The following KIAA1217 variants were observed in gnomAD, a reference collection of about 807,000 sequenced individuals.
The protein encoded by KIAA1217 is sickle tail protein homolog.
KIAA1217 carries 88 observed loss-of-function variants against 163.9 expected under a neutral mutation model. The ratio of observed to expected loss-of-function variants is 0.54; its 90% CI spans 0.45 to 0.64. KIAA1217 has a LOEUF of 0.64. Among genes scored for constraint, KIAA1217 ranks in the 30% least tolerant of loss-of-function variants. The pLI is 0.00. For synonymous variants in KIAA1217, 903 were observed against 923.1 expected (o/e 0.98, Z 0.39); for missense variants, 2,372 against 2,475.0 (o/e 0.96, Z 0.88).
intron 2 of KIAA1217, among the ~76,000 whole-genome samples, chr10:24,357,396 C>T (rs749572632): frequency 1.3e-5 from 2 of 152,158 alleles, no homozygotes; most frequent in Admixed American, 6.5e-5. Context: ...CCTCTTTTCC[C>T]TATTAAAATT....
chr10:24,339,827 A>T (rs1462864335), intron 2 of KIAA1217, among the ~76,000 whole-genome samples: 1 of 152,202 alleles, frequency 6.6e-6, no homozygotes, highest in Non-Finnish European at 1.5e-5. Flanking sequence ...TTTTACAATG[A>T]AGAACTTTAG....
At chr10:23,996,295 C>T (rs182737258) in intron 1 of KIAA1217, among the ~76,000 whole-genome samples, 4 of 152,236 alleles carry the variant, frequency 2.6e-5, no homozygotes, top group South Asian at 2.1e-4. Flanking sequence ...TGTGCTTATG[C>T]GCCTTCTTGC....
chr10:23,783,101 A>G (rs1232572704), intron 1 of KIAA1217, among the ~76,000 whole-genome samples: 3 of 152,198 alleles, frequency 2.0e-5, no homozygotes, highest in East Asian at 1.9e-4. Flanking sequence ...GGGTTTTCCA[A>G]TCTTTTGGCT....
chr10:24,442,548 A>G (rs1343221485), intron 5 of KIAA1217, among the ~76,000 whole-genome samples: 1 of 152,162 alleles, frequency 6.6e-6, no homozygotes, highest in Non-Finnish European at 1.5e-5. Flanking sequence ...CGTGGTTTCC[A>G]ATGCATTCTG....
At chr10:24,491,279 T>A (rs2133671598) in intron 6 of KIAA1217, among the ~76,000 whole-genome samples, 1 of 145,690 alleles carries the variant, frequency 6.9e-6, no homozygotes, top group African/African-American at 2.6e-5. Context: ...GTTTCTTTTT[T>A]TTTTTCCTTT....
At chr10:23,884,133 T>C (rs1281982563) in intron 1 of KIAA1217, among the ~76,000 whole-genome samples, 3 of 151,930 alleles carry the variant, frequency 2.0e-5, no homozygotes, top group Non-Finnish European at 2.9e-5. Context: ...CCAAGGAATG[T>C]AATTGCTGGA....
chr10:24,407,490 G>T (rs2131258322), intron 3 of KIAA1217, among the ~76,000 whole-genome samples: 1 of 152,092 alleles, frequency 6.6e-6, no homozygotes, highest in South Asian at 2.1e-4. Flanking sequence ...ATTTTTTGTA[G>T]AGATGGGTTC....
chr10:24,402,248 T>C (rs1463625425), intron 3 of KIAA1217, among the ~76,000 whole-genome samples: 1 of 152,202 alleles, frequency 6.6e-6, no homozygotes, highest in East Asian at 1.9e-4. Flanking sequence ...GACTCACGCC[T>C]GTAATCCCAG....
chr10:24,482,290 A>T (rs543303177), intron 6 of KIAA1217: 1 of 152,230 alleles, frequency 6.6e-6, no homozygotes, highest in Non-Finnish European at 1.5e-5. Context: ...TTGAATATTC[A>T]TGAGGTGCTC....
chr10:23,882,733 T>C (rs1158638940), intron 1 of KIAA1217, among the ~76,000 whole-genome samples: 1 of 151,942 alleles, frequency 6.6e-6, no homozygotes, highest in Non-Finnish European at 1.5e-5. Flanking sequence ...TGCTAAATAT[T>C]AAGTACAGGA....
At chr10:23,852,045 T>A (rs1839368856) in intron 1 of KIAA1217, among the ~76,000 whole-genome samples, 1 of 152,218 alleles carries the variant, frequency 6.6e-6, no homozygotes, top group Non-Finnish European at 1.5e-5. Flanking sequence ...AATTTTGGCT[T>A]TTGTTACCAT....
In KIAA1217 at chr10:24,192,024, G is replaced by A. The variant is rs141688161; in HGVS notation, c.-170-27602G>A. Reference sequence around the variant, plus strand: ...CTCCCAAAGTGTTGGGATTACAGGCGTGAGCTACTGCTCCCAACCACGGAT... The same window carrying A: ...CTCCCAAAGTGTTGGGATTACAGGCATGAGCTACTGCTCCCAACCACGGAT... On this transcript the variant is annotated intron_variant, in intron 2 of 18. Transcript: ENST00000376462. Among the ~76,000 whole-genome samples, 28 of 152,302 alleles carry A rather than the reference G, an allele frequency of 1.8e-4. No individual in the cohort carries two copies. The East Asian group carries it at 3.7e-3, about 20-fold the overall frequency.
intron 2 of KIAA1217, among the ~76,000 whole-genome samples, chr10:24,077,529 C>G (rs10741038): frequency 0.64 from 97,799 of 152,050 alleles, 33,916 homozygotes; most frequent in African/African-American, 0.88. Context: ...TTTTATGGTG[C>G]CATAGTATTC....
chr10:23,832,299 G>C (rs754592158), intron 1 of KIAA1217, among the ~76,000 whole-genome samples: 1 of 152,188 alleles, frequency 6.6e-6, no homozygotes, highest in Non-Finnish European at 1.5e-5. Flanking sequence ...AGATACCTCA[G>C]ATGAAGAGGT....
chr10:23,764,221 C>T (rs1319174270), intron 1 of KIAA1217, among the ~76,000 whole-genome samples: 1 of 152,142 alleles, frequency 6.6e-6, no homozygotes, highest in Non-Finnish European at 1.5e-5. Context: ...CATCACTGCT[C>T]ACCAAAGAAA....
At chr10:24,083,574 T>C (rs1002559825) in intron 2 of KIAA1217, among the ~76,000 whole-genome samples, 1 of 152,238 alleles carries the variant, frequency 6.6e-6, no homozygotes, top group Non-Finnish European at 1.5e-5. Context: ...AATTTCCACA[T>C]TCTTATCTAG....
intron 3 of KIAA1217, among the ~76,000 whole-genome samples, chr10:24,412,200 T>A (rs2057846851): frequency 6.6e-6 from 1 of 151,696 alleles, no homozygotes; most frequent in African/African-American, 2.4e-5. Flanking sequence ...AGAGAAGAAA[T>A]CTGAATCTTC....
chr10:23,881,776 G>A lies in KIAA1217; in HGVS notation c.-320-125449G>A, dbSNP rs1840959510. The stretch of plus-strand genomic sequence containing the variant: ...CCATGCCTACCTCCTGATTGGATGA[G>A]GAGTAGCAGCTTCTTGTAGCATTAG... On this transcript the variant is annotated intron_variant, in intron 1 of 18. Transcript: ENST00000376462. Among the ~76,000 whole-genome samples, 3 of 151,914 alleles carry A rather than the reference G, an allele frequency of 2.0e-5. No individual in the cohort carries two copies. The South Asian group carries it at 6.2e-4, about 31-fold the overall frequency.
chr10:23,854,397 G>T (rs1424454605), intron 1 of KIAA1217, among the ~76,000 whole-genome samples: 1 of 152,080 alleles, frequency 6.6e-6, no homozygotes, highest in East Asian at 1.9e-4. Flanking sequence ...TATAATTTCT[G>T]TTCTTTTACA....
Sources: allele counts gnomAD v4.1 joint callset (sites outside exome capture counted in the v4.1 genomes callset), GRCh38; gene constraint gnomAD v4.1.1; transcripts MANE v1.5; gene names NCBI Gene and HGNC (gene_info 2026-07-23, HGNC 2026-07-21).